Variants in MBNL2 observed in about 807,000 individuals in gnomAD.
The protein encoded by MBNL2 is muscleblind like splicing regulator 2.
MBNL2 carries 17 observed loss-of-function variants against 41.9 expected under a neutral mutation model. The observed-to-expected ratio is 0.41, with a 90% CI of 0.28 to 0.61. The LOEUF (loss-of-function observed/expected upper bound fraction) is 0.61, where lower values mean the gene tolerates loss of function less well. Among genes scored for constraint, MBNL2 ranks in the 20% least tolerant of loss-of-function variants. The pLI is 0.35. For synonymous variants in MBNL2, 195 were observed against 182.9 expected, an observed-to-expected ratio of 1.07 and a Z score of -0.53; for missense variants, 336 against 505.6, an observed-to-expected ratio of 0.66 and a Z score of 3.22.
chr13:97,205,767 T>C, the MBNL2 span, among the ~76,000 whole-genome samples: 1 of 152,192 alleles, frequency 6.6e-6, no homozygotes, highest in Non-Finnish European at 1.5e-5. Context: ...TTGATTTACA[T>C]AGCTGACCCA....
At chr13:97,201,869 G>A in the MBNL2 span, among the ~76,000 whole-genome samples, 1 of 152,122 alleles carries the variant, frequency 6.6e-6, no homozygotes, top group African/African-American at 2.4e-5. Context: ...ATGCAAAATA[G>A]TCTCATTTGA....
chr13:97,143,909 TCTC>T, the MBNL2 span, among the ~76,000 whole-genome samples: 14 of 152,268 alleles, frequency 9.2e-5, no homozygotes, highest in African/African-American at 3.1e-4. Flanking sequence ...AGTGGCATGA[TCTC>T]CTCTCACTGC....
the MBNL2 span, among the ~76,000 whole-genome samples, chr13:97,149,617 C>G: frequency 6.6e-6 from 1 of 152,078 alleles, no homozygotes; most frequent in African/African-American, 2.4e-5. Context: ...ACAGGTAGTT[C>G]TTATTATTAC....
chr13:97,205,913 A>G, the MBNL2 span, among the ~76,000 whole-genome samples: 2 of 152,220 alleles, frequency 1.3e-5, no homozygotes, highest in Admixed American at 1.3e-4. Flanking sequence ...AATCTTCGAA[A>G]TATTGGGAAA....
the MBNL2 span, among the ~76,000 whole-genome samples, chr13:97,147,903 G>A: frequency 1.3e-5 from 2 of 152,330 alleles, no homozygotes; most frequent in African/African-American, 2.4e-5. Context: ...GCAGGAGCAG[G>A]AGAGTAGTGG....
At chr13:97,237,808 G>A (rs2043564220) in intron 1 of MBNL2, among the ~76,000 whole-genome samples, 1 of 152,160 alleles carries the variant, frequency 6.6e-6, no homozygotes, top group African/African-American at 2.4e-5. Context: ...GGTAAATGAG[G>A]GGTCAGACAA....
chr13:97,213,224 G>T, the MBNL2 span, among the ~76,000 whole-genome samples: 1 of 152,162 alleles, frequency 6.6e-6, no homozygotes, highest in East Asian at 1.9e-4. Flanking sequence ...AGATCTAGAA[G>T]CTATGGTTGT....
At chr13:97,375,917 C>G (rs148611539) in intron 8 of MBNL2, among the ~76,000 whole-genome samples, 388 of 152,004 alleles carry the variant, frequency 2.6e-3, no homozygotes, top group African/African-American at 9.2e-3. Flanking sequence ...CACCAGGGAG[C>G]GTGAAGAGGA....
upstream of MBNL2, among the ~76,000 whole-genome samples, chr13:97,218,150 C>T (rs113136387): frequency 0.04 from 6,036 of 152,164 alleles, 389 homozygotes; most frequent in African/African-American, 0.14. Flanking sequence ...GTGGCTCACG[C>T]CTGTAATCCC....
At chr13:97,173,565 C>T in the MBNL2 span, among the ~76,000 whole-genome samples, 1 of 152,180 alleles carries the variant, frequency 6.6e-6, no homozygotes, top group South Asian at 2.1e-4. Context: ...CCTGGCCTCT[C>T]CTTAGTCTTT....
At chr13:97,218,697 G>T (rs1031468398), upstream of MBNL2, among the ~76,000 whole-genome samples, 6 of 151,756 alleles carry the variant, frequency 4.0e-5, no homozygotes, top group Admixed American at 3.9e-4. Flanking sequence ...TCTATCCAGA[G>T]TTTCCAGGAA....
At chr13:97,284,491 T>C (rs2054042158) in intron 2 of MBNL2, among the ~76,000 whole-genome samples, 1 of 152,202 alleles carries the variant, frequency 6.6e-6, no homozygotes. Context: ...CATCAGTTAT[T>C]TTGGGTTAAG....
At position 97,275,978 on chromosome 13, in the gene MBNL2, G is replaced by T; in HGVS notation, c.-258G>T. 1 of 363,960 alleles carries T rather than the reference G, an allele frequency of 2.7e-6. No individual in the cohort carries two copies. Among genetic ancestry groups the T allele is most frequent in the African/African-American group, 2.1e-5 (1 of 48,464 alleles). 22.5% of individuals were successfully genotyped at this position (363,960 alleles called of 1,614,324 possible). Reference sequence around the variant, plus strand: ...TGCAAAACAGTCAAGAGACTCGGACGTTGAAAGCCAGAGATGACACTGAGC... The same window carrying T: ...TGCAAAACAGTCAAGAGACTCGGACTTTGAAAGCCAGAGATGACACTGAGC... On this transcript the variant is annotated 5_prime_UTR_variant, in exon 2 of 9. Transcript: ENST00000679496.
intron 5 of MBNL2, among the ~76,000 whole-genome samples, chr13:97,351,869 C>CA (rs1426675359): frequency 6.6e-6 from 1 of 151,862 alleles, no homozygotes; most frequent in Admixed American, 6.6e-5. Context: ...ACTAAAAATA[C>CA]AAAAATTAGC....
At chr13:97,304,057 C>A (rs1245802814) in intron 2 of MBNL2, among the ~76,000 whole-genome samples, 1 of 152,190 alleles carries the variant, frequency 6.6e-6, no homozygotes, top group Non-Finnish European at 1.5e-5. Context: ...CAGGAAGTAA[C>A]TGGGGAGGCA....
chr13:97,271,686 G>A (rs1365570903), intron 1 of MBNL2, among the ~76,000 whole-genome samples: 1 of 152,016 alleles, frequency 6.6e-6, no homozygotes, highest in Admixed American at 6.5e-5. Context: ...GCCGTATTTG[G>A]TTTTCTGTTC....
intron 1 of MBNL2, among the ~76,000 whole-genome samples, chr13:97,274,854 C>T (rs943833012): frequency 6.6e-6 from 1 of 152,186 alleles, no homozygotes; most frequent in East Asian, 1.9e-4. Flanking sequence ...CTCCAGCATT[C>T]CATACTACAG....
the MBNL2 span, among the ~76,000 whole-genome samples, chr13:97,158,284 C>G: frequency 3.3e-5 from 5 of 150,616 alleles, no homozygotes; most frequent in African/African-American, 1.2e-4. Flanking sequence ...ATTCTTCTCT[C>G]TTTTTTTCTT....
the MBNL2 span, among the ~76,000 whole-genome samples, chr13:97,144,754 C>T: frequency 8.3e-3 from 1,260 of 152,196 alleles, 17 homozygotes; most frequent in African/African-American, 0.029. Flanking sequence ...CTTATAATTA[C>T]TCTTGGTGCA....
Sources: gnomAD v4.1 joint callset for allele counts (sites outside exome capture counted in the v4.1 genomes callset) on GRCh38, gnomAD v4.1.1 for gene constraint, MANE v1.5 for transcripts, NCBI Gene and HGNC (gene_info 2026-07-23, HGNC 2026-07-21) for gene names.